RNGTT: variants seen among roughly 807,000 people sequenced by gnomAD.
RNGTT encodes mRNA-capping enzyme.
In RNGTT, 33 loss-of-function variants were observed where a neutral mutation model predicts 79.3. That is an observed-to-expected ratio of 0.42 (90% CI 0.32 to 0.56). RNGTT has a LOEUF of 0.56. Among genes scored for constraint, RNGTT ranks in the 20% least tolerant of loss-of-function variants. RNGTT has a pLI of 0.17. For synonymous variants in RNGTT, 222 were observed against 235.9 expected (o/e 0.94, Z 0.54); for missense variants, 497 against 739.1 (o/e 0.67, Z 3.80).
At chr6:88,806,991 C>T (rs1001410125) in intron 11 of RNGTT, among the ~76,000 whole-genome samples, 4 of 151,966 alleles carry the variant, frequency 2.6e-5, no homozygotes, top group Admixed American at 1.3e-4. Flanking sequence ...AACGTAGGAA[C>T]GAAAAAACAA....
chr6:88,685,029 A>G (rs1167778495), intron 13 of RNGTT, among the ~76,000 whole-genome samples: 2 of 152,224 alleles, frequency 1.3e-5, no homozygotes, highest in Admixed American at 6.5e-5. Flanking sequence ...CACTAAGTGA[A>G]TGAAGCCTAT....
At chr6:88,949,454 G>C (rs1785170187) in intron 1 of RNGTT, among the ~76,000 whole-genome samples, 1 of 151,878 alleles carries the variant, frequency 6.6e-6, no homozygotes, top group African/African-American at 2.4e-5. Context: ...AGTAGAGACG[G>C]GGTTTCACCA....
chr6:88,943,373 C>T lies in RNGTT; in HGVS notation c.65-2193G>A, dbSNP rs564418855. ...CCTTGCCTATTCTCCTTTTCTCACA[C>T]CCAACATCCAATCCATCAGCAAATC... On this transcript the variant is annotated intron_variant, in intron 1 of 15. Coordinates refer to ENST00000369485, the MANE Select transcript of RNGTT (RefSeq NM_003800.5). Among the ~76,000 whole-genome samples the T allele has an allele frequency of 2.2e-4, 33 of 152,278 alleles. 2 individuals carry two copies. The South Asian group carries it at 6.2e-3, about 29-fold the overall frequency.
chr6:88,855,270 T>C (rs1409110658), intron 8 of RNGTT, among the ~76,000 whole-genome samples: 1 of 151,844 alleles, frequency 6.6e-6, no homozygotes, highest in Non-Finnish European at 1.5e-5. Flanking sequence ...GCTAACAGAG[T>C]ATATGGAAGC....
chr6:88,891,750 T>A (rs1268901872), intron 7 of RNGTT, 56 bp downstream of exon 7: 1 of 1,081,636 alleles, frequency 9.2e-7, no homozygotes, highest in Non-Finnish European at 1.3e-6. Context: ...AATGCTTGTA[T>A]TAAGTGTTGT....
rs116926182 is a variant in RNGTT at position 88,758,644 on chromosome 6, A to G, written c.1439+11130T>C. ...GATACCCATAGTCAGAATGCTAGGT[A>G]TAGTACTGAACTAGTACATAATGTT... On this transcript the variant is annotated intron_variant, in intron 13 of 15. Transcript: ENST00000369485. Among the ~76,000 whole-genome samples, 221 of 152,342 alleles carry G rather than the reference A, an allele frequency of 1.5e-3. 2 individuals are homozygous for G. The highest frequency in any genetic ancestry group is 3.4e-3 in the Middle Eastern group (1 of 294).
intron 6 of RNGTT, among the ~76,000 whole-genome samples, chr6:88,898,656 A>AT (rs1187936170): frequency 6.6e-6 from 1 of 150,530 alleles, no homozygotes; most frequent in Non-Finnish European, 1.5e-5. Flanking sequence ...TTTAGTATAT[A>AT]TACTGTGTGT....
chr6:88,833,353 C>A (rs1051521492), intron 11 of RNGTT, among the ~76,000 whole-genome samples: 1 of 152,050 alleles, frequency 6.6e-6, no homozygotes, highest in Non-Finnish European at 1.5e-5. Context: ...ATCTTCAACT[C>A]ATAAGTGGGA....
chr6:88,851,199 T>TA (rs201066153), intron 9 of RNGTT, among the ~76,000 whole-genome samples: 17 of 143,408 alleles, frequency 1.2e-4, no homozygotes, highest in East Asian at 2.0e-4. Flanking sequence ...AGAACTAAAT[T>TA]TAAAAAAAAA....
intron 13 of RNGTT, among the ~76,000 whole-genome samples, chr6:88,695,875 T>C (rs190597507): frequency 5.7e-4 from 87 of 152,334 alleles, no homozygotes; most frequent in Non-Finnish European, 1.0e-3. Context: ...GAGGATGTTA[T>C]GCTAAGTGAA....
intron 11 of RNGTT, among the ~76,000 whole-genome samples, chr6:88,804,417 G>C (rs1779891326): frequency 6.6e-6 from 1 of 152,114 alleles, no homozygotes; most frequent in African/African-American, 2.4e-5. Context: ...GCTGAGGCAG[G>C]GGACTGCCTG....
At chr6:88,672,240 CACACACACACATATAT>C (rs1562185140) in intron 14 of RNGTT, among the ~76,000 whole-genome samples, 1 of 150,006 alleles carries the variant, frequency 6.7e-6, no homozygotes, top group African/African-American at 2.5e-5. Flanking sequence ...CATATATATA[CACACACACACATATAT>C]ACACACACAT....
chr6:88,713,420 A>C lies in RNGTT; in HGVS notation c.1440-35001T>G, dbSNP rs117470899. Among the ~76,000 whole-genome samples the C allele has an allele frequency of 6.3e-3, 967 of 152,296 alleles. 5 individuals carry two copies. Among genetic ancestry groups the C allele is most frequent in the Middle Eastern group, 0.017 (5 of 294 alleles). ...AATCTGACACTGTATTTAGATAAAT[A>C]TTTAAATGCATTTAAACTAAGGGGG... On this transcript the variant is annotated intron_variant, in intron 13 of 15. Transcript: ENST00000369485.
intron 8 of RNGTT, among the ~76,000 whole-genome samples, chr6:88,888,733 A>G (rs1304787192): frequency 6.6e-6 from 1 of 152,242 alleles, no homozygotes; most frequent in African/African-American, 2.4e-5. Context: ...CAAAGCATTA[A>G]TAATAAAAAC....
At chr6:88,704,594 C>G (rs1028091614) in intron 13 of RNGTT, among the ~76,000 whole-genome samples, 6 of 152,022 alleles carry the variant, frequency 3.9e-5, no homozygotes, top group African/African-American at 1.2e-4. Flanking sequence ...CTTAATAAAT[C>G]ATGGATACTC....
chr6:88,913,078 G>A (rs557059798), intron 4 of RNGTT, among the ~76,000 whole-genome samples: 4 of 151,976 alleles, frequency 2.6e-5, no homozygotes, highest in Non-Finnish European at 4.4e-5. Context: ...GGTGGCACAC[G>A]CCTGTAATCC....
At chr6:88,764,673 A>G (rs892252012) in intron 13 of RNGTT, among the ~76,000 whole-genome samples, 2 of 152,184 alleles carry the variant, frequency 1.3e-5, no homozygotes, top group Non-Finnish European at 2.9e-5. Flanking sequence ...TGCCTACTAT[A>G]AACAAGTCAC....
At chr6:88,646,584 G>A (rs1427390894) in intron 14 of RNGTT, among the ~76,000 whole-genome samples, 4 of 152,166 alleles carry the variant, frequency 2.6e-5, no homozygotes, top group Admixed American at 1.3e-4. Flanking sequence ...CAAAGACTTG[G>A]AACCAACCCA....
At chr6:88,878,548 T>TA (rs1562298514) in intron 8 of RNGTT, among the ~76,000 whole-genome samples, 1 of 152,134 alleles carries the variant, frequency 6.6e-6, no homozygotes, top group Non-Finnish European at 1.5e-5. Flanking sequence ...CCAGAACAAT[T>TA]AAAAAAGTAA....
Sources: gnomAD v4.1 joint callset for allele counts (sites outside exome capture counted in the v4.1 genomes callset) on GRCh38, gnomAD v4.1.1 for gene constraint, MANE v1.5 for transcripts, NCBI Gene and HGNC (gene_info 2026-07-23, HGNC 2026-07-21) for gene names.